Variants in STAT5A observed in about 807,000 individuals in gnomAD.
STAT5A encodes signal transducer and activator of transcription 5A.
A neutral mutation model predicts 100.2 loss-of-function variants in STAT5A; 26 were observed. That is an observed-to-expected ratio of 0.26 (90% CI 0.19 to 0.36). STAT5A has a LOEUF of 0.36. STAT5A is among the 10% of genes least tolerant of loss of function. STAT5A has a pLI of 1.00. For synonymous variants in STAT5A, 330 were observed against 424.3 expected (o/e 0.78, Z 2.73); for missense variants, 634 against 1,027.5 (o/e 0.62, Z 5.24).
chr17:42,299,925 G>A (rs772823677), intron 6 of STAT5A, 44 bp downstream of exon 6: 6 of 1,580,490 alleles, frequency 3.8e-6, no homozygotes, highest in Non-Finnish European at 4.3e-6. Context: ...GTGCCATGAA[G>A]TCAGTCTCTG....
chr17:42,292,080 T>C lies in STAT5A; in HGVS notation c.375+19T>C. On this transcript the variant is annotated intron_variant, in intron 4 of 18. Transcript: ENST00000590949. ...CAACAATGTGAGTGTCCCTTGGGGA[T>C]GGGGAGGAGTGTTGAGAAGTCCCTC... The C allele has an allele frequency of 6.2e-7, 1 of 1,613,058 alleles. No homozygotes were observed. The highest frequency in any genetic ancestry group is 8.5e-7 in the Non-Finnish European group (1 of 1,179,356).
At chr17:42,302,602 G>A (rs1396639410) in intron 9 of STAT5A, among the ~76,000 whole-genome samples, 1 of 152,194 alleles carries the variant, frequency 6.6e-6, no homozygotes, top group Admixed American at 6.5e-5. Flanking sequence ...AATGAGTGAT[G>A]TGGAAGACAT....
chr17:42,306,287 T>A lies in STAT5A; in HGVS notation c.1520T>A (p.Leu507Gln), dbSNP rs1457544257. 1 of 1,614,072 alleles carries A rather than the reference T, an allele frequency of 6.2e-7. No homozygotes were observed. Among genetic ancestry groups the A allele is most frequent in the Admixed American group, 1.7e-5 (1 of 60,020 alleles). The change falls in exon 13 of 19, where the codon CTG becomes CAG. Residue 507 changes from leucine (L) to glutamine (Q), a missense_variant. By Grantham distance (113) the Leu-to-Gln change is moderately radical. Around this residue, in one of 5 missense-constraint regions of STAT5A, gnomAD observed 210 missense variants for 428.4 expected, o/e 0.49. Coordinates refer to ENST00000590949, the MANE Select transcript of STAT5A (RefSeq NM_001288718.2). The stretch of plus-strand genomic sequence containing the variant: ...CCTGACAAAGTGCTGTGGCCGCAGC[T>A]GTGTGAGGCGCTCAACATGAAATTC... ...AVPDKVLWPQLCEALNMKFKA... is the reference protein window; with the variant it reads ...AVPDKVLWPQQCEALNMKFKA...
rs1306105948 is a variant in STAT5A, at chr17:42,289,395, G to A, written c.-10-7G>A. 2 of 1,601,852 alleles carry A rather than the reference G, an allele frequency of 1.2e-6. No homozygotes were observed. Among genetic ancestry groups the A allele is most frequent in the Non-Finnish European group, 1.7e-6 (2 of 1,174,598 alleles). ...AGGAGAGCGCTTCAGCGCTCGGCTC[G>A]CCCTAGGTGAACGGCCATGGCGGGC... On this transcript the variant is annotated splice_region_variant and splice_polypyrimidine_tract_variant and intron_variant, in intron 1 of 18. Coordinates refer to ENST00000590949, the MANE Select transcript of STAT5A (RefSeq NM_001288718.2).
chr17:42,308,241 C>T lies in STAT5A; in HGVS notation c.1970C>T (p.Ala657Val). Reference protein sequence around the residue: ...TTRDFSIRSLADRLGDLSYLI... With the variant: ...TTRDFSIRSLVDRLGDLSYLI... Reference sequence around the variant, plus strand: ...CGGGATTTCTCCATCAGGTCCCTGGCTGACCGGCTGGGGGACCTGAGCTAT... The same window carrying T: ...CGGGATTTCTCCATCAGGTCCCTGGTTGACCGGCTGGGGGACCTGAGCTAT... The change falls in exon 16 of 19, where the codon GCT (alanine) becomes GTT (valine). Residue 657 changes from alanine (A) to valine (V), a missense_variant. Ala to Val is a moderately conservative substitution (Grantham distance 64). Around this residue, in one of 5 missense-constraint regions of STAT5A, gnomAD observed 210 missense variants for 428.4 expected, o/e 0.49. Coordinates refer to ENST00000590949, the MANE Select transcript of STAT5A (RefSeq NM_001288718.2). The surrounding 1 kb of genome is among the most constrained non-coding windows in gnomAD (Gnocchi z 4.6). 6.2e-7 allele frequency: 1 copy of T among 1,614,238 alleles called. No homozygotes were observed. The highest frequency in any genetic ancestry group is 1.1e-5 in the South Asian group (1 of 91,092).
chr17:42,309,300 A>C (rs979449631), intron 17 of STAT5A, 77 bp from the exon 18 acceptor site: 13 of 1,558,642 alleles, frequency 8.3e-6, no homozygotes, highest in Admixed American at 1.7e-5. Context: ...AAAGACAAAC[A>C]TGCCCCTCGG....
chr17:42,295,877 G>A (rs983480843), intron 5 of STAT5A, 84 bp downstream of exon 5: 7 of 1,553,450 alleles, frequency 4.5e-6, no homozygotes, highest in Non-Finnish European at 6.1e-6. Flanking sequence ...AGCTGGGTCA[G>A]TGTCCATCTC....
rs536235533 is a variant in STAT5A, at chr17:42,300,750, G to T, written c.869G>T (p.Arg290Leu). 9.4e-5 allele frequency: 151 copies of T among 1,613,518 alleles called. 4 individuals carry two copies. The South Asian group carries it at 1.7e-3, about 18-fold the overall frequency. The change falls in exon 8 of 19, where the codon CGG becomes CTG. Residue 290 changes from arginine to leucine, a missense_variant. Coordinates refer to ENST00000590949, the MANE Select transcript of STAT5A (RefSeq NM_001288718.2). The part of the protein sequence containing the change: ...EKLAEIIWQN[R>L]QQIRRAEHLC... ...TTGGCCGAGATCATCTGGCAGAACC[G>T]GCAGCAGATCCGCAGGGCTGAGCAC...
intron 1 of STAT5A, chr17:42,289,165 GAGGGCACCTGCCTCTGCAGAGC>G (rs569462323): frequency 2.5e-6 from 1 of 406,484 alleles, no homozygotes; most frequent in African/African-American, 2.1e-5. Flanking sequence ...GGAAGACGGG[GAGGGCACCTGCCTCTGCAGAGC>G]ACCTTCCCCT....
Position 42,304,741 on chromosome 17 carries a change from C to G in STAT5A, c.1380+89C>G. The G allele has an allele frequency of 1.3e-6, 2 of 1,568,648 alleles. No homozygotes were observed. The highest frequency in any genetic ancestry group is 1.7e-6 in the Non-Finnish European group (2 of 1,154,120). On this transcript the variant is annotated intron_variant, in intron 11 of 18. Coordinates refer to ENST00000590949, the MANE Select transcript of STAT5A (RefSeq NM_001288718.2). The surrounding 1 kb of genome is among the most constrained non-coding windows in gnomAD (Gnocchi z 4.8). ...TCAGGACTCCTGGCAGCAATGCCATCGGACAGCCTGCTTTGACTCTGTGGG... is the reference window on the plus strand; with the variant it reads ...TCAGGACTCCTGGCAGCAATGCCATGGGACAGCCTGCTTTGACTCTGTGGG...
intron 4 of STAT5A, among the ~76,000 whole-genome samples, chr17:42,292,682 A>G (rs1446754512): frequency 6.7e-6 from 1 of 148,678 alleles, no homozygotes; most frequent in Non-Finnish European, 1.5e-5. Context: ...GCTGGAGTGC[A>G]GTGATGTGAT....
chr17:42,297,188 C>T (rs981340020), intron 5 of STAT5A, among the ~76,000 whole-genome samples: 36 of 152,210 alleles, frequency 2.4e-4, no homozygotes, highest in African/African-American at 8.7e-4. Flanking sequence ...CTGCCTGCCT[C>T]GGCCTCCCAA....
chr17:42,309,109 A>G lies in STAT5A; in HGVS notation c.2114+11A>G, dbSNP rs2081056219. On this transcript the variant is annotated intron_variant, in intron 17 of 18. Transcript: ENST00000590949. ...GCAAGTGGTCCCTGAGTAAGTGTCC[A>G]GGTGGCTGTGGCTCTCCTTCTGCCT... The G allele has an allele frequency of 6.2e-7, 1 of 1,613,876 alleles. No individual in the cohort carries two copies. Among genetic ancestry groups the G allele is most frequent in the Non-Finnish European group, 8.5e-7 (1 of 1,180,026 alleles).
chr17:42,289,679 A>G (rs2080851131), intron 2 of STAT5A, 140 bp downstream of exon 2: 12 of 1,421,262 alleles, frequency 8.4e-6, no homozygotes, highest in Non-Finnish European at 1.1e-5. Flanking sequence ...GCCCCTGGGA[A>G]AGGGGAAGCC....
chr17:42,294,009 G>T (rs1337506989), intron 4 of STAT5A, among the ~76,000 whole-genome samples: 2 of 152,152 alleles, frequency 1.3e-5, no homozygotes. Flanking sequence ...GACGTCAGAA[G>T]TTCGAGACCA....
chr17:42,301,845 T>A (rs1410672556), intron 9 of STAT5A, among the ~76,000 whole-genome samples: 1 of 152,242 alleles, frequency 6.6e-6, no homozygotes, highest in Non-Finnish European at 1.5e-5. Context: ...GCCTTCCTCC[T>A]ACTCAGATGC....
chr17:42,310,634 G>A lies in STAT5A; in HGVS notation c.2350G>A (p.Gly784Ser), dbSNP rs139614126. ...TGACTCCCGCCTCTCGCCCCCTGCCGGTCTTTTCACCTCTGCCAGAGGCTC... is the reference window on the plus strand; with the variant it reads ...TGACTCCCGCCTCTCGCCCCCTGCCAGTCTTTTCACCTCTGCCAGAGGCTC... ...SLDSRLSPPA[G>S]LFTSARGSLS The change falls in exon 19 of 19, where the codon GGT becomes AGT. Residue 784 changes from glycine to serine, a missense_variant. Around this residue, in one of 5 missense-constraint regions of STAT5A, gnomAD observed 88 missense variants for 95.1 expected, o/e 0.92. Coordinates refer to ENST00000590949, the MANE Select transcript of STAT5A (RefSeq NM_001288718.2). The A allele has an allele frequency of 3.6e-5, 58 of 1,614,058 alleles. No individual in the cohort carries two copies. The highest frequency in any genetic ancestry group is 4.4e-5 in the Non-Finnish European group (52 of 1,180,040).
intron 9 of STAT5A, among the ~76,000 whole-genome samples, chr17:42,302,133 T>G (rs2080986105): frequency 6.6e-6 from 1 of 152,240 alleles, no homozygotes; most frequent in African/African-American, 2.4e-5. Context: ...GCCATGGCAC[T>G]CTACCCTGGG....
rs1337563585 is a variant in STAT5A at position 42,308,503 on chromosome 17, G to C, written c.2062+170G>C. 4.7e-6 allele frequency: 4 copies of C among 845,204 alleles called. No individual in the cohort carries two copies. The African/African-American group carries it at 6.9e-5, about 14-fold the overall frequency. The allele number at this position is 845,204 out of a possible 1,614,324, so 52.4% of individuals were successfully genotyped here. On this transcript the variant is annotated intron_variant, in intron 16 of 18. Transcript: ENST00000590949. This position sits in a 1 kb window ranked among gnomAD's most constrained non-coding sequence, Gnocchi z 4.6. ...GGAGAGGATTTCAGGGCTCACAAAT[G>C]AGGAGAGGGAACGAGAAACCCGTCC...
Sources: allele counts gnomAD v4.1 joint callset (sites outside exome capture counted in the v4.1 genomes callset), GRCh38; gene constraint gnomAD v4.1.1; regional missense constraint gnomAD v4.1.1; non-coding constraint Gnocchi (gnomAD v3.1); transcripts MANE v1.5; gene names NCBI Gene and HGNC (gene_info 2026-07-23, HGNC 2026-07-21).